FGF13: variants seen among roughly 807,000 people sequenced by gnomAD.
FGF13 encodes fibroblast growth factor 13.
FGF13 carries 2 observed loss-of-function variants against 19.5 expected under a neutral mutation model. That is an observed-to-expected ratio of 0.10 (90% CI 0.04 to 0.32). FGF13 has a LOEUF of 0.32. Among genes scored for constraint, FGF13 ranks in the 10% least tolerant of loss-of-function variants. The probability of loss-of-function intolerance (pLI) is 1.00; values close to 1 mark genes in which losing one functional copy is unlikely to be tolerated. For missense variants in FGF13, 113 were observed against 192.7 expected, an observed-to-expected ratio of 0.59 and a Z score of 2.45; for synonymous variants, 72 against 76.9, an observed-to-expected ratio of 0.94 and a Z score of 0.33.
intron 3 of FGF13, among the ~76,000 whole-genome samples, chrX:138,762,744 G>A (rs895613923): frequency 8.9e-6 from 1 of 111,733 alleles, no homozygotes; most frequent in Non-Finnish European, 1.9e-5. Flanking sequence ...TTACTTGATA[G>A]GCATATTGCA....
intron 1 of FGF13, among the ~76,000 whole-genome samples, chrX:138,886,635 G>A (rs2091453020): frequency 8.9e-6 from 1 of 111,769 alleles, no homozygotes; most frequent in African/African-American, 3.3e-5. Flanking sequence ...ACCCTCCTCA[G>A]GGTTGTTGTG....
At chrX:138,874,144 AAAGTAT>A (rs2091374397) in intron 1 of FGF13, among the ~76,000 whole-genome samples, 1 of 101,283 alleles carries the variant, frequency 9.9e-6, no homozygotes, top group Non-Finnish European at 2.0e-5. Flanking sequence ...CCTAGAACTT[AAAGTAT>A]AATAAATATA....
chrX:138,764,447 C>T (rs1204508963), intron 3 of FGF13, among the ~76,000 whole-genome samples: 2 of 112,590 alleles, frequency 1.8e-5, no homozygotes, highest in Admixed American at 1.9e-4. Context: ...AAACTGTGGC[C>T]GCAAGGTCAA....
chrX:139,164,309 G>A (rs1285295386), intron 1 of FGF13, among the ~76,000 whole-genome samples: 2 of 110,365 alleles, frequency 1.8e-5, no homozygotes, highest in Non-Finnish European at 3.8e-5. Flanking sequence ...TGCTAATAAG[G>A]TTTCCAACTG....
rs1199657305 is a variant in FGF13, at chrX:138,623,198, C to A, written c.*9652G>T. On this transcript the variant is annotated 3_prime_UTR_variant, in exon 5 of 5. Transcript: ENST00000315930. ...GATCCTTTAAATGTGATGTTAAGTT[C>A]TTTTAGCTAGTATTTTGTTGTGGAT... 1 of 110,921 alleles carries A rather than the reference C, an allele frequency of 9.0e-6. No homozygotes were observed. The highest frequency in any genetic ancestry group is 1.9e-5 in the Non-Finnish European group (1 of 53,009). The allele number at this position is 110,921 out of a possible 1,213,427, so 9.1% of individuals were successfully genotyped here. A position where few individuals can be genotyped will look rare whatever the true frequency, so the allele number is the denominator to read the frequency against.
intron 3 of FGF13, among the ~76,000 whole-genome samples, chrX:138,692,720 A>ATGTG (rs780289338): frequency 1.7e-3 from 183 of 108,692 alleles, no homozygotes; most frequent in Non-Finnish European, 2.6e-3. Context: ...GCATGTGTGT[A>ATGTG]TGTGTGTGTG....
chrX:138,849,474 T>C (rs1482341026), intron 3 of FGF13, among the ~76,000 whole-genome samples: 2 of 112,100 alleles, frequency 1.8e-5, no homozygotes, highest in Non-Finnish European at 3.8e-5. Context: ...GGCAAGTGAA[T>C]TGTCATTTAA....
At chrX:138,952,646 C>A (rs1194110224) in intron 1 of FGF13, among the ~76,000 whole-genome samples, 4 of 111,293 alleles carry the variant, frequency 3.6e-5, no homozygotes, top group African/African-American at 9.8e-5. Context: ...AGGCAACCTA[C>A]AGAATGGGAG....
rs1274136624 is a variant in FGF13 at position 138,631,868 on chromosome X, A to C, written c.*982T>G. ...AAGTATAATATATGTTGTTGAGGGA[A>C]AACCAGTCTTAACAATTCCTTGTAC... On this transcript the variant is annotated 3_prime_UTR_variant, in exon 5 of 5. Coordinates refer to ENST00000315930, the MANE Select transcript of FGF13 (RefSeq NM_004114.5). 2.7e-5 allele frequency: 3 copies of C among 112,282 alleles called. No homozygotes were observed. The highest frequency in any genetic ancestry group is 5.6e-5 in the Non-Finnish European group (3 of 53,206). 9.3% of individuals were successfully genotyped at this position (112,282 alleles called of 1,213,427 possible).
chrX:139,083,957 G>C (rs996407651), intron 1 of FGF13, among the ~76,000 whole-genome samples: 1 of 111,149 alleles, frequency 9.0e-6, no homozygotes, highest in African/African-American at 3.3e-5. Flanking sequence ...CAGTGCTCAG[G>C]AAGCCAGTCA....
At chrX:138,665,250 ATTC>A (rs1396198287) in intron 3 of FGF13, among the ~76,000 whole-genome samples, 4 of 111,203 alleles carry the variant, frequency 3.6e-5, no homozygotes, top group Non-Finnish European at 7.6e-5. Flanking sequence ...ATCTGTGTCA[ATTC>A]TTCTTCAAGT....
chrX:139,071,746 G>A (rs751037199), intron 1 of FGF13, among the ~76,000 whole-genome samples: 2 of 110,041 alleles, frequency 1.8e-5, no homozygotes, highest in East Asian at 2.9e-4. Context: ...GGCTGGATGC[G>A]GTGGCTCACC....
intron 1 of FGF13, among the ~76,000 whole-genome samples, chrX:138,724,268 GGC>G (rs1204023502): frequency 8.9e-6 from 1 of 111,889 alleles, no homozygotes; most frequent in Non-Finnish European, 1.9e-5. Flanking sequence ...TCTTGTCACT[GGC>G]AATGTTCATA....
At chrX:138,742,331 C>T (rs777296528), upstream of FGF13, among the ~76,000 whole-genome samples, 1 of 112,257 alleles carries the variant, frequency 8.9e-6, no homozygotes, top group African/African-American at 3.2e-5. Context: ...CACATATTCA[C>T]AGGTTAGAGT....
At chrX:138,709,759 G>A (rs1294837582) in intron 1 of FGF13, among the ~76,000 whole-genome samples, 2 of 111,821 alleles carry the variant, frequency 1.8e-5, no homozygotes, top group Non-Finnish European at 3.8e-5. Context: ...AGACTCCTGC[G>A]CTGAAATAAT....
At chrX:139,099,314 T>C (rs1429115934) in intron 1 of FGF13, among the ~76,000 whole-genome samples, 1 of 100,893 alleles carries the variant, frequency 9.9e-6, no homozygotes, top group East Asian at 3.1e-4. Flanking sequence ...CGAGTTGCTA[T>C]CCACAACTGG....
At chrX:139,198,862 T>A (rs918789014) in intron 1 of FGF13, among the ~76,000 whole-genome samples, 1 of 112,121 alleles carries the variant, frequency 8.9e-6, no homozygotes, top group Non-Finnish European at 1.9e-5. Flanking sequence ...TTCACTTCTT[T>A]AGGAAATTAA....
At chrX:138,958,660 T>G (rs921986815) in intron 1 of FGF13, among the ~76,000 whole-genome samples, 2 of 111,882 alleles carry the variant, frequency 1.8e-5, no homozygotes, top group Non-Finnish European at 3.8e-5. Context: ...CTGGACTTTT[T>G]TTAGTTGGTA....
chrX:138,690,166 G>A (rs750456758), intron 3 of FGF13, among the ~76,000 whole-genome samples: 1 of 111,574 alleles, frequency 9.0e-6, no homozygotes, highest in South Asian at 3.8e-4. Flanking sequence ...ATGAGTAATG[G>A]GGATCTCAAA....
Sources: allele counts gnomAD v4.1 joint callset (sites outside exome capture counted in the v4.1 genomes callset), GRCh38; gene constraint gnomAD v4.1.1; transcripts MANE v1.5; gene names NCBI Gene and HGNC (gene_info 2026-07-23, HGNC 2026-07-21).